The following SMG1 variants were observed in gnomAD, a reference collection of about 807,000 sequenced individuals.
SMG1 encodes the protein serine/threonine-protein kinase SMG1.
SMG1 carries 22 observed loss-of-function variants against 419.9 expected under a neutral mutation model. That is an observed-to-expected ratio of 0.05 (90% CI 0.04 to 0.07). SMG1 has a LOEUF of 0.07. Ranked by LOEUF, SMG1 falls within the 10% of genes least tolerant of loss-of-function variation. The pLI is 1.00. For synonymous variants in SMG1, 1,538 were observed against 1,553.5 expected, an observed-to-expected ratio of 0.99 and a Z score of 0.23; for missense variants, 3,185 against 4,342.0, an observed-to-expected ratio of 0.73 and a Z score of 7.49.
chr16:18,863,829 C>T lies in SMG1; in HGVS notation c.3516G>A (p.Leu1172=), dbSNP rs1476675158. The change falls in exon 25 of 63, where the codon CTG becomes CTA. Residue 1172 remains leucine (L), a synonymous_variant. Transcript: ENST00000446231. ...SLNGESRKTV[L]SKPTDSSPEV... ...CAGGGGAAGAGTCAGTCGGTTTGGA[C>T]AGCACAGTTTTTCTGGATTCACCTG... 3.8e-6 allele frequency: 6 copies of T among 1,580,200 alleles called. No individual in the cohort carries two copies. Among genetic ancestry groups the T allele is most frequent in the Non-Finnish European group, 5.2e-6 (6 of 1,153,512 alleles).
At position 18,839,848 on chromosome 16, in the gene SMG1, C is replaced by T; in HGVS notation, c.6795G>A (p.Gly2265=). 6.2e-7 allele frequency: 1 copy of T among 1,613,786 alleles called. No individual in the cohort carries two copies. The highest frequency in any genetic ancestry group is 1.1e-5 in the South Asian group (1 of 91,074). ...SKIGPALKTV[G]LSLDVSRRDW... The stretch of plus-strand genomic sequence containing the variant: ...CCCGACGGGACACATCCAGGCTAAG[C>T]CCAACTGTTTTCAAAGCAGGGCCAA... The change falls in exon 42 of 63, where the codon GGG becomes GGA. Residue 2265 remains glycine, a synonymous_variant. Transcript: ENST00000446231.
chr16:18,812,147 G>C lies in SMG1; in HGVS notation c.10622-20C>G. ...GGACTGCTACAGAGAAAGAGTTGGT[G>C]GCTCAATTTACATGTAAACAGAACA... On this transcript the variant is annotated intron_variant, in intron 60 of 62. Transcript: ENST00000446231. 6.2e-7 allele frequency: 1 copy of C among 1,602,994 alleles called. No individual in the cohort carries two copies. Among genetic ancestry groups the C allele is most frequent in the Non-Finnish European group, 8.5e-7 (1 of 1,174,610 alleles).
chr16:18,926,084 A>T lies in SMG1; in HGVS notation c.-43T>A. 6.6e-7 allele frequency: 1 copy of T among 1,516,144 alleles called. No homozygotes were observed. The highest frequency in any genetic ancestry group is 8.8e-7 in the Non-Finnish European group (1 of 1,139,134). The allele number at this position is 1,516,144 out of a possible 1,614,324, so 93.9% of individuals were successfully genotyped here. A position where few individuals can be genotyped will look rare whatever the true frequency, so the allele number is the denominator to read the frequency against. On this transcript the variant is annotated 5_prime_UTR_variant, in exon 1 of 63. Coordinates refer to ENST00000446231, the MANE Select transcript of SMG1 (RefSeq NM_015092.5). ...CATGGCCAAGCGCCGCCGCCCAAAG[A>T]AGCGCGAGTCGCCGCCCGAACCGGC...
Position 18,816,213 on chromosome 16 carries a change from A to T in SMG1, c.10302+89T>A, listed in dbSNP as rs573609019. Reference sequence around the variant, plus strand: ...TGTGATGAGATAAATTGTTATTTACAAAATGTCACTGTTTTTCCTATAAAT... The same window carrying T: ...TGTGATGAGATAAATTGTTATTTACTAAATGTCACTGTTTTTCCTATAAAT... On this transcript the variant is annotated intron_variant, in intron 58 of 62. Transcript: ENST00000446231. 10 of 1,022,304 alleles carry T rather than the reference A, an allele frequency of 9.8e-6. No homozygotes were observed. In the South Asian group the frequency reaches 1.7e-4, roughly 17 times the overall value. 63.3% of individuals were successfully genotyped at this position (1,022,304 alleles called of 1,614,324 possible).
At chr16:18,819,766 T>A in intron 55 of SMG1, 112 bp from the exon 56 acceptor site, 1 of 1,114,296 alleles carries the variant, frequency 9.0e-7, no homozygotes. Context: ...TGGACACATG[T>A]AATTTAGAAA....
chr16:18,877,444 G>T (rs1460237099), intron 11 of SMG1: 8 of 420,062 alleles, frequency 1.9e-5, no homozygotes, highest in Admixed American at 3.8e-5. Flanking sequence ...AGGGAGGAGT[G>T]GGGAGAGGGA....
chr16:18,906,760 C>T (rs982180438), intron 1 of SMG1, among the ~76,000 whole-genome samples: 3 of 152,204 alleles, frequency 2.0e-5, no homozygotes, highest in Non-Finnish European at 4.4e-5. Context: ...TCCTCTCTCC[C>T]ATTTCTTCAC....
At chr16:18,820,720 T>C (rs2032453705) in intron 55 of SMG1, among the ~76,000 whole-genome samples, 1 of 152,216 alleles carries the variant, frequency 6.6e-6, no homozygotes, top group African/African-American at 2.4e-5. Context: ...CTCTGACCAA[T>C]ACACTGTAGA....
intron 39 of SMG1, among the ~76,000 whole-genome samples, chr16:18,843,680 G>A (rs914643282): frequency 1.3e-5 from 2 of 152,132 alleles, no homozygotes; most frequent in African/African-American, 4.8e-5. Flanking sequence ...AATCCAATAT[G>A]GCAGTAAAAA....
chr16:18,898,519 G>A (rs997708909), intron 1 of SMG1, among the ~76,000 whole-genome samples: 2 of 152,070 alleles, frequency 1.3e-5, no homozygotes, highest in Non-Finnish European at 2.9e-5. Context: ...CATTCCTTAT[G>A]TACCTAAAAA....
intron 1 of SMG1, among the ~76,000 whole-genome samples, chr16:18,920,485 T>C (rs2038155133): frequency 6.6e-6 from 1 of 150,874 alleles, no homozygotes; most frequent in Non-Finnish European, 1.5e-5. Flanking sequence ...GGAGTAGGAG[T>C]TTGACACCAG....
chr16:18,892,414 A>G (rs1596610641), intron 3 of SMG1, 60 bp from the exon 4 acceptor site: 3 of 1,331,062 alleles, frequency 2.3e-6, no homozygotes, highest in African/African-American at 1.5e-5. Context: ...ATATTTTTAA[A>G]TTTTTCAAAT....
chr16:18,892,552 T>C (rs756531092), intron 3 of SMG1, among the ~76,000 whole-genome samples, 198 bp from the exon 4 acceptor site: 6 of 152,052 alleles, frequency 3.9e-5, no homozygotes, highest in Non-Finnish European at 8.8e-5. Context: ...GGTGAAACCC[T>C]GTCTCCACAG....
intron 1 of SMG1, among the ~76,000 whole-genome samples, chr16:18,908,365 CAAA>C (rs935478285): frequency 2.6e-5 from 2 of 77,628 alleles, no homozygotes; most frequent in African/African-American, 5.1e-5. Context: ...ACTCAGTCTC[CAAA>C]AAAAAAAAAA....
intron 19 of SMG1, 148 bp from the exon 20 acceptor site, chr16:18,869,451 C>A (rs2141581794): frequency 2.9e-6 from 2 of 684,166 alleles, no homozygotes; most frequent in Middle Eastern, 4.0e-4. Context: ...CATTGTGTCC[C>A]CCCTCTCATT....
At chr16:18,838,760 C>T (rs2033735915) in intron 42 of SMG1, 71 bp from the exon 43 acceptor site, 1 of 993,860 alleles carries the variant, frequency 1.0e-6, no homozygotes, top group East Asian at 2.4e-5. Context: ...GGACGTGATA[C>T]TATAAAATTT....
In SMG1 at chr16:18,834,989, T is replaced by G; in HGVS notation, c.8233A>C (p.Ile2745Leu). The change falls in exon 49 of 63, where the codon ATT (isoleucine) becomes CTT (leucine). Residue 2745 changes from isoleucine (I) to leucine (L), a missense_variant. Ile to Leu is a conservative substitution (Grantham distance 5). Transcript: ENST00000446231. ...AGGAAAACTTTAATGCAACGTTCAA[T>G]TTCTTTCAACTGATCTTCACAAACT... ...VPVCEDQLKE[I>L]ERCIKVFLHE... The G allele has an allele frequency of 6.2e-7, 1 of 1,614,024 alleles. No homozygotes were observed. The highest frequency in any genetic ancestry group is 8.5e-7 in the Non-Finnish European group (1 of 1,179,912).
At chr16:18,839,344 G>GC (rs1050031139) in intron 42 of SMG1, among the ~76,000 whole-genome samples, 1 of 151,624 alleles carries the variant, frequency 6.6e-6, no homozygotes, top group Non-Finnish European at 1.5e-5. Flanking sequence ...CCCTCCTCCT[G>GC]CCCCCCACCC....
At chr16:18,829,226 T>TC in intron 54 of SMG1, 60 bp downstream of exon 54, 1 of 1,370,508 alleles carries the variant, frequency 7.3e-7, no homozygotes, top group Non-Finnish European at 9.9e-7. Context: ...TAAATTAATT[T>TC]CCCCCATTTT....
Sources: allele counts gnomAD v4.1 joint callset (sites outside exome capture counted in the v4.1 genomes callset), GRCh38; gene constraint gnomAD v4.1.1; transcripts MANE v1.5; gene names NCBI Gene and HGNC (gene_info 2026-07-23, HGNC 2026-07-21).